The following XKR4 variants were observed in gnomAD, a reference collection of about 807,000 sequenced individuals.
The protein encoded by XKR4 is XK-related protein 4.
Under a neutral mutation model 53.9 loss-of-function variants are expected in XKR4, and 12 were observed. That is an observed-to-expected ratio of 0.22 (90% CI 0.14 to 0.36). The LOEUF is 0.36. XKR4 is among the 10% of genes least tolerant of loss of function. The pLI, the probability that XKR4 is intolerant of heterozygous loss-of-function variation, is 1.00. For synonymous variants in XKR4, 354 were observed against 362.4 expected, an observed-to-expected ratio of 0.98 and a Z score of 0.26; for missense variants, 799 against 859.5, an observed-to-expected ratio of 0.93 and a Z score of 0.88.
In XKR4 at chr8:55,319,358, A is replaced by G. The variant is rs971787570; in HGVS notation, c.807-38320A>G. Among the ~76,000 whole-genome samples, 5 of 152,332 alleles carry G rather than the reference A, an allele frequency of 3.3e-5. No homozygotes were observed. The South Asian group carries it at 1.0e-3, about 32-fold the overall frequency. Reference sequence around the variant, plus strand: ...AGAAATGCAAAAGCATTATTCTTTGACCATTAACATAACATGAAATAAAAG... The same window carrying G: ...AGAAATGCAAAAGCATTATTCTTTGGCCATTAACATAACATGAAATAAAAG... On this transcript the variant is annotated intron_variant, in intron 1 of 2. Transcript: ENST00000327381.
At chr8:55,418,699 G>A (rs1048391834) in intron 2 of XKR4, among the ~76,000 whole-genome samples, 1 of 152,064 alleles carries the variant, frequency 6.6e-6, no homozygotes, top group African/African-American at 2.4e-5. Context: ...AGATCTTCTC[G>A]GACCCTCCAT....
At chr8:55,449,648 A>G in intron 2 of XKR4, 2 of 943,962 alleles carry the variant, frequency 2.1e-6, no homozygotes, top group East Asian at 4.8e-5. Flanking sequence ...AGGGGCACCC[A>G]TGGTGGCCAT....
chr8:55,103,831 C>A (rs1816094626), intron 1 of XKR4, among the ~76,000 whole-genome samples: 1 of 121,194 alleles, frequency 8.3e-6, no homozygotes, highest in African/African-American at 3.1e-5. Flanking sequence ...AAGTAAAGAT[C>A]CTAATAGGCA....
At chr8:55,244,565 T>A (rs1020844655) in intron 1 of XKR4, among the ~76,000 whole-genome samples, 1 of 152,204 alleles carries the variant, frequency 6.6e-6, no homozygotes, top group Non-Finnish European at 1.5e-5. Flanking sequence ...ATATTTATAT[T>A]CCTTTGCGTA....
At chr8:55,468,064 A>G (rs1050106726) in intron 2 of XKR4, among the ~76,000 whole-genome samples, 4 of 152,184 alleles carry the variant, frequency 2.6e-5, no homozygotes, top group Non-Finnish European at 5.9e-5. Context: ...AGAGAACCAT[A>G]TAAATCAAAT....
intron 2 of XKR4, among the ~76,000 whole-genome samples, chr8:55,414,022 T>C (rs16921769): frequency 0.12 from 18,079 of 152,196 alleles, 2,803 homozygotes; most frequent in African/African-American, 0.36. Context: ...AGATTTGCAT[T>C]AATTTATGAT....
At position 55,395,446 on chromosome 8, in the gene XKR4, G is replaced by A. The variant is rs368862132; in HGVS notation, c.1006+37569G>A. Among the ~76,000 whole-genome samples the A allele has an allele frequency of 3.7e-4, 56 of 152,204 alleles. 3 individuals are homozygous for A. The South Asian group carries it at 9.7e-3, about 26-fold the overall frequency. On this transcript the variant is annotated intron_variant, in intron 2 of 2. Transcript: ENST00000327381. The stretch of plus-strand genomic sequence containing the variant: ...ATTGAGAAATCATAAGTCATGTGGC[G>A]TCATGAGAGCACAGGATGTGTACCA...
At chr8:55,336,220 C>G (rs1803459671) in intron 1 of XKR4, among the ~76,000 whole-genome samples, 1 of 151,934 alleles carries the variant, frequency 6.6e-6, no homozygotes, top group Admixed American at 6.6e-5. Flanking sequence ...CTGGGCTATT[C>G]TTGTGATAGT....
chr8:55,283,524 G>A (rs934629931), intron 1 of XKR4, among the ~76,000 whole-genome samples: 8 of 152,184 alleles, frequency 5.3e-5, no homozygotes, highest in Admixed American at 5.2e-4. Context: ...GTAGCCAAAT[G>A]TCAGCAGTGA....
At chr8:55,142,076 T>A in intron 1 of XKR4, 1 of 456,046 alleles carries the variant, frequency 2.2e-6, no homozygotes, top group Non-Finnish European at 4.4e-6. Context: ...GCCTCCCTGG[T>A]GACTTTCTGG....
chr8:55,226,053 A>G (rs1027725366), intron 1 of XKR4, among the ~76,000 whole-genome samples: 1 of 152,220 alleles, frequency 6.6e-6, no homozygotes, highest in Non-Finnish European at 1.5e-5. Flanking sequence ...TGTGGTCCAC[A>G]TGAATGCCTG....
intron 1 of XKR4, among the ~76,000 whole-genome samples, chr8:55,318,513 A>G (rs1328811154): frequency 6.6e-6 from 1 of 152,166 alleles, no homozygotes; most frequent in African/African-American, 2.4e-5. Flanking sequence ...AAACCAAAGT[A>G]TATCTCTCCA....
intron 1 of XKR4, among the ~76,000 whole-genome samples, chr8:55,266,880 C>G (rs1339602366): frequency 6.6e-6 from 1 of 152,042 alleles, no homozygotes; most frequent in Non-Finnish European, 1.5e-5. Context: ...GCATCGCATG[C>G]CTGTGGGATA....
At chr8:55,287,077 C>CT (rs1488429321) in intron 1 of XKR4, among the ~76,000 whole-genome samples, 1 of 142,342 alleles carries the variant, frequency 7.0e-6, no homozygotes, top group Non-Finnish European at 1.5e-5. Context: ...GAAAGTTATA[C>CT]TTTGAGGTTG....
intron 1 of XKR4, among the ~76,000 whole-genome samples, chr8:55,350,607 C>T (rs1180009091): frequency 6.6e-6 from 1 of 152,018 alleles, no homozygotes; most frequent in Non-Finnish European, 1.5e-5. Flanking sequence ...GTAGTTAAAT[C>T]CAGAGATTCA....
Position 55,537,794 on chromosome 8 carries a change from G to C in XKR4, c.*13567G>C, listed in dbSNP as rs1446885655. 1.3e-5 allele frequency: 2 copies of C among 152,182 alleles called. No individual in the cohort carries two copies. The highest frequency in any genetic ancestry group is 1.5e-5 in the Non-Finnish European group (1 of 68,034). The allele number at this position is 152,182 out of a possible 1,614,324, so 9.4% of individuals were successfully genotyped here. On this transcript the variant is annotated 3_prime_UTR_variant, in exon 3 of 3. Coordinates refer to ENST00000327381, the MANE Select transcript of XKR4 (RefSeq NM_052898.2). The stretch of plus-strand genomic sequence containing the variant: ...CCCCAGGCCCCACAACATCATCACT[G>C]TGAGTCCTATCGCAGATGTGTGTAC...
intron 1 of XKR4, among the ~76,000 whole-genome samples, chr8:55,218,002 T>C (rs571506089): frequency 3.3e-5 from 5 of 152,222 alleles, no homozygotes; most frequent in Non-Finnish European, 7.3e-5. Flanking sequence ...GCCTCTCTCC[T>C]TTCCTTTTTG....
intron 1 of XKR4, among the ~76,000 whole-genome samples, chr8:55,204,311 G>A (rs1282897287): frequency 2.0e-5 from 3 of 152,128 alleles, no homozygotes; most frequent in Non-Finnish European, 2.9e-5. Context: ...ACGACAAGCA[G>A]CATTAAAAAT....
chr8:55,165,804 CAAAAAAAAAAAAAAGA>C lies in XKR4; in HGVS notation c.806+62519_806+62534del, dbSNP rs1817057261. On this transcript the variant is annotated intron_variant, in intron 1 of 2. Coordinates refer to ENST00000327381, the MANE Select transcript of XKR4 (RefSeq NM_052898.2). ...TGGGCGACAGAGCAAGACTCCGTCT[CAAAAAAAAAAAAAAGA>C]AAAAAAAAGAAAAAGAAAATTCATG... Among the ~76,000 whole-genome samples, 4 of 60,484 alleles carry C rather than the reference CAAAAAAAAAAAAAAGA, an allele frequency of 6.6e-5. 1 individual carries two copies. In the South Asian group the frequency reaches 2.1e-3, roughly 32 times the overall value. 39.7% of individuals were successfully genotyped at this position (60,484 alleles called of 152,430 possible).
Sources: allele counts gnomAD v4.1 joint callset (sites outside exome capture counted in the v4.1 genomes callset), GRCh38; gene constraint gnomAD v4.1.1; transcripts MANE v1.5; gene names NCBI Gene and HGNC (gene_info 2026-07-23, HGNC 2026-07-21).